CEP43: variants seen among roughly 807,000 people sequenced by gnomAD.
CEP43 encodes the protein centrosomal protein 43, also known as FGFR1 oncogene partner.
CEP43 carries 36 observed loss-of-function variants against 52.6 expected under a neutral mutation model. That is an observed-to-expected ratio of 0.68 (90% confidence interval 0.52 to 0.90). The LOEUF is 0.90. Among genes scored for constraint, CEP43 ranks in the 40% least tolerant of loss-of-function variants. CEP43 has a pLI of 0.00. For synonymous variants in CEP43, 192 were observed against 172.4 expected (o/e 1.11, Z -0.89); for missense variants, 506 against 472.8 (o/e 1.07, Z -0.65).
chr6:167,000,179 C>G, intron 2 of CEP43, 66 bp downstream of exon 2: 2 of 1,269,746 alleles, frequency 1.6e-6, no homozygotes, highest in Admixed American at 2.0e-5. Context: ...TCATTAAAAA[C>G]CGTCTTAAAA....
chr6:167,044,929 T>C lies in CEP43; in HGVS notation c.*4951T>C, dbSNP rs1160981878. On this transcript the variant is annotated 3_prime_UTR_variant, in exon 13 of 13. Transcript: ENST00000366847. Reference sequence around the variant, plus strand: ...GGGCATGCCTGGGGCCTGAGCTTAGTGGGCCGGGTGGAGGCAGGAGGTACT... The same window carrying C: ...GGGCATGCCTGGGGCCTGAGCTTAGCGGGCCGGGTGGAGGCAGGAGGTACT... 1 of 152,410 alleles carries C rather than the reference T, an allele frequency of 6.6e-6. No individual in the cohort carries two copies. Among genetic ancestry groups the C allele is most frequent in the African/African-American group, 2.4e-5 (1 of 41,430 alleles). 9.4% of individuals were successfully genotyped at this position (152,410 alleles called of 1,614,324 possible). A position where few individuals can be genotyped will look rare whatever the true frequency, so the allele number is the denominator to read the frequency against.
In CEP43 at chr6:167,017,387, G is replaced by A. The variant is rs546448690; in HGVS notation, c.579+3820G>A. 2.6e-5 allele frequency among the ~76,000 whole-genome samples: 4 copies of A among 152,228 alleles called. No homozygotes were observed. In the South Asian group the frequency reaches 8.3e-4, roughly 32 times the overall value. ...ACAAGTAATCTAGAGATGATTCAAA[G>A]CATATGGGAGGATGTGTGTAGGCTA... is the stretch of plus-strand genomic sequence containing the variant. On this transcript the variant is annotated intron_variant, in intron 7 of 12. Transcript: ENST00000366847.
In CEP43 at chr6:167,040,726, A is replaced by C; in HGVS notation, c.*748A>C. The C allele has an allele frequency of 7.9e-6, 8 of 1,015,952 alleles. No homozygotes were observed. The highest frequency in any genetic ancestry group is 9.5e-6 in the Non-Finnish European group (8 of 845,550). The allele number at this position is 1,015,952 out of a possible 1,614,324, so 62.9% of individuals were successfully genotyped here. ...TAGGTTCTCTTCATTATAATTTATT[A>C]TCTGTAAAGATTCCTTGAAACTTAA... On this transcript the variant is annotated 3_prime_UTR_variant, in exon 13 of 13. Coordinates refer to ENST00000366847, the MANE Select transcript of CEP43 (RefSeq NM_007045.4).
chr6:167,041,456 C>T lies in CEP43; in HGVS notation c.*1478C>T. The T allele has an allele frequency of 9.4e-7, 1 of 1,059,978 alleles. No individual in the cohort carries two copies. 65.7% of individuals were successfully genotyped at this position (1,059,978 alleles called of 1,614,324 possible). ...CTCAGTCTCCTTCAGCTCTTCATGT[C>T]TTAGTAAACAGCACCACGTGCAGAT... is the stretch of plus-strand genomic sequence containing the variant. On this transcript the variant is annotated 3_prime_UTR_variant, in exon 13 of 13. Transcript: ENST00000366847.
intron 7 of CEP43, among the ~76,000 whole-genome samples, chr6:167,018,814 G>T (rs1364295055): frequency 2.6e-5 from 4 of 152,172 alleles, no homozygotes; most frequent in African/African-American, 9.7e-5. Context: ...TGAAGTTTAT[G>T]TACGTAACAT....
At chr6:167,007,403 AGTT>A (rs1163341182) in intron 5 of CEP43, among the ~76,000 whole-genome samples, 1 of 152,156 alleles carries the variant, frequency 6.6e-6, no homozygotes, top group Non-Finnish European at 1.5e-5. Context: ...CTCAAAAGGT[AGTT>A]GTTTTACTCC....
At position 167,046,835 on chromosome 6, in the gene CEP43, G is replaced by C. The variant is rs1282614569; in HGVS notation, c.*6857G>C. ...AGCCTGAGTCCATTCTGGCTCCAGA[G>C]CTCCCTGAGAGCTTGCCTGGCAAGT... On this transcript the variant is annotated 3_prime_UTR_variant, in exon 13 of 13. Transcript: ENST00000366847. 1 of 152,280 alleles carries C rather than the reference G, an allele frequency of 6.6e-6. No homozygotes were observed. Among genetic ancestry groups the C allele is most frequent in the Non-Finnish European group, 1.5e-5 (1 of 68,074 alleles). 9.4% of individuals were successfully genotyped at this position (152,280 alleles called of 1,614,324 possible).
In CEP43 at chr6:167,036,460, G is replaced by A. The variant is rs58121512; in HGVS notation, c.1125+2489G>A. On this transcript the variant is annotated intron_variant, in intron 12 of 12. Transcript: ENST00000366847. The stretch of plus-strand genomic sequence containing the variant: ...GTAGTCTCTGCACGGGAGCCAGCAC[G>A]AGCAAAGACATAGGTAGATGTTGGA... 285 of 985,426 alleles carry A rather than the reference G, an allele frequency of 2.9e-4. No individual in the cohort carries two copies. The African/African-American group carries it at 4.7e-3, about 16-fold the overall frequency. The allele number at this position is 985,426 out of a possible 1,614,324, so 61.0% of individuals were successfully genotyped here. A position where few individuals can be genotyped will look rare whatever the true frequency, so the allele number is the denominator to read the frequency against.
chr6:167,032,504 G>T (rs1187693672), intron 10 of CEP43, 99 bp from the exon 11 acceptor site: 2 of 1,075,650 alleles, frequency 1.9e-6, no homozygotes, highest in East Asian at 5.3e-5. Flanking sequence ...CTTTTTAAAT[G>T]ATGCAATATA....
chr6:167,024,758 T>C, intron 8 of CEP43, 24 bp from the exon 9 acceptor site: 2 of 1,539,034 alleles, frequency 1.3e-6, no homozygotes, highest in Non-Finnish European at 1.8e-6. Flanking sequence ...AGAGCACCGA[T>C]TAACTGTCCT....
chr6:167,022,312 C>T, intron 7 of CEP43, 97 bp from the exon 8 acceptor site: 1 of 833,774 alleles, frequency 1.2e-6, no homozygotes, highest in Non-Finnish European at 1.9e-6. Flanking sequence ...TGCACACACA[C>T]AGGTTTGATT....
intron 7 of CEP43, among the ~76,000 whole-genome samples, chr6:167,018,838 C>G (rs533540834): frequency 1.3e-5 from 2 of 152,154 alleles, no homozygotes; most frequent in Non-Finnish European, 2.9e-5. Flanking sequence ...TTCGTCTTAA[C>G]TCATGATAAG....
intron 7 of CEP43, among the ~76,000 whole-genome samples, chr6:167,013,895 C>T (rs923223106): frequency 2.6e-5 from 4 of 152,214 alleles, no homozygotes; most frequent in East Asian, 1.9e-4. Context: ...ATCGCTTTAA[C>T]CCGGGAAGCG....
intron 8 of CEP43, among the ~76,000 whole-genome samples, chr6:167,023,692 C>A (rs540065883): frequency 1.3e-5 from 2 of 152,248 alleles, no homozygotes; most frequent in South Asian, 2.1e-4. Flanking sequence ...ACCTTGAGGC[C>A]AGAGCAGGGA....
intron 7 of CEP43, among the ~76,000 whole-genome samples, chr6:167,021,178 C>T (rs910575114): frequency 3.9e-5 from 6 of 151,970 alleles, no homozygotes; most frequent in African/African-American, 1.5e-4. Context: ...GTATTTTACA[C>T]AATACTGCTC....
At position 167,026,465 on chromosome 6, in the gene CEP43, T is replaced by C. The variant is rs1780358050; in HGVS notation, c.920-82T>C. 3 of 865,652 alleles carry C rather than the reference T, an allele frequency of 3.5e-6. No individual in the cohort carries two copies. In the East Asian group the frequency reaches 7.4e-5, roughly 21 times the overall value. 53.6% of individuals were successfully genotyped at this position (865,652 alleles called of 1,614,324 possible). A position where few individuals can be genotyped will look rare whatever the true frequency, so the allele number is the denominator to read the frequency against. ...CTCCTGTCATAAAGAAGCCCCATAT[T>C]GAACAACGACAAAAATTGATGTGGT... On this transcript the variant is annotated intron_variant, in intron 9 of 12. Transcript: ENST00000366847.
chr6:167,010,749 G>C, intron 5 of CEP43, 64 bp from the exon 6 acceptor site: 1 of 709,490 alleles, frequency 1.4e-6, no homozygotes, highest in South Asian at 2.5e-5. Flanking sequence ...TTCTATTGGA[G>C]TGTAATTGGT....
At chr6:167,008,682 A>G (rs1779909298) in intron 5 of CEP43, among the ~76,000 whole-genome samples, 1 of 151,778 alleles carries the variant, frequency 6.6e-6, no homozygotes, top group South Asian at 2.1e-4. Flanking sequence ...TCACCGTGTT[A>G]GCCAGGATGG....
At chr6:167,007,555 C>T (rs1006499903) in intron 5 of CEP43, among the ~76,000 whole-genome samples, 18 of 152,134 alleles carry the variant, frequency 1.2e-4, no homozygotes, top group African/African-American at 4.1e-4. Flanking sequence ...AAATAGAGAC[C>T]TCAAAGATGT....
Sources: allele counts gnomAD v4.1 joint callset (sites outside exome capture counted in the v4.1 genomes callset), GRCh38; gene constraint gnomAD v4.1.1; transcripts MANE v1.5; gene names NCBI Gene and HGNC (gene_info 2026-07-23, HGNC 2026-07-21).